Variants in PLXNB1 observed in about 807,000 individuals in gnomAD.
PLXNB1 encodes plexin B1, also known as plexin-B1.
Under a neutral mutation model 209.4 loss-of-function variants are expected in PLXNB1, and 106 were observed. The observed-to-expected ratio is 0.51, with a 90% CI of 0.43 to 0.59. PLXNB1 has a LOEUF of 0.59. PLXNB1 is among the 20% of genes least tolerant of loss of function. The pLI is 0.00. For missense variants in PLXNB1, 2,357 were observed against 2,853.2 expected, an observed-to-expected ratio of 0.83 and a Z score of 3.96; for synonymous variants, 1,167 against 1,183.2, an observed-to-expected ratio of 0.99 and a Z score of 0.28.
At chr3:48,424,728 G>C (rs1043438077) in intron 2 of PLXNB1, 111 bp from the exon 3 acceptor site, 2 of 1,169,700 alleles carry the variant, frequency 1.7e-6, no homozygotes, top group Non-Finnish European at 2.4e-6. Context: ...TCCTAACCTA[G>C]GGGGTGAGCA....
chr3:48,422,971 G>A, intron 3 of PLXNB1, 24 bp from the exon 4 acceptor site: 1 of 1,602,804 alleles, frequency 6.2e-7, no homozygotes, highest in African/African-American at 1.3e-5. Flanking sequence ...GAAGCATCAG[G>A]AAGGCCCTCC....
At position 48,404,293 on chromosome 3, in the gene PLXNB1, T is replaced by G. The variant is rs994535666; in HGVS notation, c.*193A>C. 2.1e-5 allele frequency: 12 copies of G among 578,688 alleles called. No individual in the cohort carries two copies. The highest frequency in any genetic ancestry group is 4.6e-4 in the Middle Eastern group (1 of 2,164). The allele number at this position is 578,688 out of a possible 1,614,324, so 35.8% of individuals were successfully genotyped here. Reference sequence around the variant, plus strand: ...GGGGAGCAGGCTGGGTACTACCCCATGAGCCTTGAGGCCCCGGGTCTAGGA... The same window carrying G: ...GGGGAGCAGGCTGGGTACTACCCCAGGAGCCTTGAGGCCCCGGGTCTAGGA... On this transcript the variant is annotated 3_prime_UTR_variant, in exon 38 of 38. Transcript: ENST00000296440.
At chr3:48,404,710 CG>C (rs2106696762) in intron 37 of PLXNB1, 120 bp from the exon 38 acceptor site, 2 of 639,780 alleles carry the variant, frequency 3.1e-6, no homozygotes, top group East Asian at 5.6e-5. Context: ...GAAACCCAGC[CG>C]GTCACTTCAC....
At position 48,422,447 on chromosome 3, in the gene PLXNB1, G is replaced by A. The variant is rs142527941; in HGVS notation, c.1303C>T (p.Pro435Ser). ...GAGTATGGGTGGCCATCGCTCCCTG[G>A]GCCCAAGTAGACCTGGGATCAGAGA... is the stretch of plus-strand genomic sequence containing the variant. The part of the protein sequence containing the change: ...QGQLHRVYLG[P>S]GSDGHPYSTQ... Residue 435 changes from proline to serine, a missense_variant, in exon 5 of 38, where the codon CCA becomes TCA. By Grantham distance (74) the Pro-to-Ser change is moderately conservative. This residue lies in a region of PLXNB1 where 404 missense variants were observed against 443.6 expected (regional missense o/e 0.91). Transcript: ENST00000296440. The A allele has an allele frequency of 8.8e-3, 13,937 of 1,589,544 alleles. 101 individuals are homozygous for A. Among genetic ancestry groups the A allele is most frequent in the Non-Finnish European group, 9.7e-3 (11,381 of 1,168,636 alleles).
rs896787510 is a variant in PLXNB1, at chr3:48,429,093, CAG to C, written c.-60+913_-60+914del. On this transcript the variant is annotated intron_variant, in intron 1 of 37. Coordinates refer to ENST00000296440, the MANE Select transcript of PLXNB1 (RefSeq NM_001130082.3). The surrounding 1 kb of genome is among the most constrained non-coding windows in gnomAD (Gnocchi z 6.4). Reference sequence around the variant, plus strand: ...CCAATCGCGTTCCAGGCGGAGTCGCCAGAGTTTCCCTTCGCGCGGAGAAGTGT... The same window carrying C: ...CCAATCGCGTTCCAGGCGGAGTCGCCAGTTTCCCTTCGCGCGGAGAAGTGT... Among the ~76,000 whole-genome samples the C allele has an allele frequency of 6.6e-6, 1 of 152,218 alleles. No individual in the cohort carries two copies. The highest frequency in any genetic ancestry group is 2.4e-5 in the African/African-American group (1 of 41,466).
Position 48,418,384 on chromosome 3 carries a change from CG to C in PLXNB1, c.3050-22del, listed in dbSNP as rs1445935081. 4 of 1,613,450 alleles carry C rather than the reference CG, an allele frequency of 2.5e-6. No homozygotes were observed. In the African/African-American group the frequency reaches 5.3e-5, roughly 22 times the overall value. On this transcript the variant is annotated intron_variant, in intron 14 of 37. Coordinates refer to ENST00000296440, the MANE Select transcript of PLXNB1 (RefSeq NM_001130082.3). The surrounding 1 kb of genome is among the most constrained non-coding windows in gnomAD (Gnocchi z 6.6). ...TACCACTGGGGGTGGCAGAGACACA[CG>C]TGAGAGGCAGGCCTGGGAGAGCCCT...
At position 48,407,061 on chromosome 3, in the gene PLXNB1, G is replaced by A. The variant is rs370249939; in HGVS notation, c.6118C>T (p.Arg2040Trp). The A allele has an allele frequency of 1.7e-5, 27 of 1,613,944 alleles. No individual in the cohort carries two copies. The highest frequency in any genetic ancestry group is 1.6e-4 in the Middle Eastern group (1 of 6,084). The change falls in exon 35 of 38, where the codon CGG becomes TGG. Residue 2040 changes from arginine to tryptophan, a missense_variant. By Grantham distance (101) the Arg-to-Trp change is moderately radical (BLOSUM62 -3). Around this residue, in one of 7 missense-constraint regions of PLXNB1, gnomAD observed 414 missense variants for 520.5 expected, o/e 0.80. Coordinates refer to ENST00000296440, the MANE Select transcript of PLXNB1 (RefSeq NM_001130082.3). ...ATCCGCTTGTACCGGGGAATGTCCC[G>A]TGCATACAGAAGTTTGTTGATCGGG... ...DSPINKLLYA[R>W]DIPRYKRMVE...
intron 7 of PLXNB1, 114 bp downstream of exon 7, chr3:48,421,560 C>T (rs2038520479): frequency 1.6e-6 from 2 of 1,238,720 alleles, no homozygotes; most frequent in African/African-American, 1.5e-5. Flanking sequence ...AAAGAAGTGA[C>T]TTGTGTGAGG....
Position 48,419,397 on chromosome 3 carries a change from G to T in PLXNB1, c.2710-31C>A. On this transcript the variant is annotated intron_variant, in intron 11 of 37. Coordinates refer to ENST00000296440, the MANE Select transcript of PLXNB1 (RefSeq NM_001130082.3). This position sits in a 1 kb window ranked among gnomAD's most constrained non-coding sequence, Gnocchi z 5.7. ...GGCACCAAGGGCAAGGCAGTCTATG[G>T]AGCCCACCCTGCCCAGCTCAGCCCT... The T allele has an allele frequency of 6.5e-7, 1 of 1,534,266 alleles. No homozygotes were observed. Among genetic ancestry groups the T allele is most frequent in the South Asian group, 1.3e-5 (1 of 79,294 alleles).
In PLXNB1 at chr3:48,415,619, T is replaced by C. The variant is rs1256351609; in HGVS notation, c.3758A>G (p.Asn1253Ser). Residue 1253 changes from asparagine to serine, a missense_variant, in exon 19 of 38, where the codon AAC becomes AGC. Physicochemically the swap from Asn to Ser is conservative, Grantham distance 46. Around this residue, in one of 7 missense-constraint regions of PLXNB1, gnomAD observed 743 missense variants for 896.2 expected, o/e 0.83. Transcript: ENST00000296440. This position sits in a 1 kb window ranked among gnomAD's most constrained non-coding sequence, Gnocchi z 5.0. ...RGQFKYTLDP[N>S]ITSAGPTKSF... The stretch of plus-strand genomic sequence containing the variant: ...CTTGGTGGGGCCAGCAGAGGTGATG[T>C]TGGGGTCCAAGGTATACTTGAACTG... 33 of 1,584,474 alleles carry C rather than the reference T, an allele frequency of 2.1e-5. No individual in the cohort carries two copies. Among genetic ancestry groups the C allele is most frequent in the South Asian group, 3.5e-5 (3 of 86,730 alleles).
In PLXNB1 at chr3:48,429,807, G is replaced by C. The variant is rs992654518; in HGVS notation, c.-60+201C>G. 2.6e-5 allele frequency among the ~76,000 whole-genome samples: 4 copies of C among 151,982 alleles called. No homozygotes were observed. Among genetic ancestry groups the C allele is most frequent in the African/African-American group, 9.7e-5 (4 of 41,412 alleles). ...AACTTTCCTGGTTGCCAGGAGCCGA[G>C]GCGGGGGGTCGCGCTCCGCACCCGC... On this transcript the variant is annotated intron_variant, in intron 1 of 37. Coordinates refer to ENST00000296440, the MANE Select transcript of PLXNB1 (RefSeq NM_001130082.3). The surrounding 1 kb of genome is among the most constrained non-coding windows in gnomAD (Gnocchi z 6.4).
chr3:48,422,079 G>A (rs771239536), intron 6 of PLXNB1, 26 bp downstream of exon 6: 1 of 1,585,676 alleles, frequency 6.3e-7, no homozygotes, highest in Non-Finnish European at 8.7e-7. Context: ...TTGAGGCTGG[G>A]GCTGGGATGG....
chr3:48,409,874 A>G lies in PLXNB1; in HGVS notation c.5778+31T>C. The G allele has an allele frequency of 6.3e-7, 1 of 1,575,238 alleles. No homozygotes were observed. The highest frequency in any genetic ancestry group is 8.6e-7 in the Non-Finnish European group (1 of 1,164,986). ...GAGTGGCCATGCTCCCTCTCAGCCC[A>G]GGCCCCACTACCTTGGCAGCCCCAC... On this transcript the variant is annotated intron_variant, in intron 32 of 37. Transcript: ENST00000296440. The surrounding 1 kb of genome is among the most constrained non-coding windows in gnomAD (Gnocchi z 5.8).
At chr3:48,428,885 G>T (rs990638520) in intron 1 of PLXNB1, among the ~76,000 whole-genome samples, 1 of 151,646 alleles carries the variant, frequency 6.6e-6, no homozygotes, top group Middle Eastern at 3.2e-3. Context: ...GCCAGAAAGG[G>T]CTGTTACTAC....
Position 48,406,791 on chromosome 3 carries a change from T to C in PLXNB1, c.6228+32A>G. ...AAGGACCGTTGTGGCAGGAGGCCTA[T>C]GCCCAACCCAAGAAGCAGAGGGAGG... On this transcript the variant is annotated intron_variant, in intron 36 of 37. Coordinates refer to ENST00000296440, the MANE Select transcript of PLXNB1 (RefSeq NM_001130082.3). This position sits in a 1 kb window ranked among gnomAD's most constrained non-coding sequence, Gnocchi z 4.4. The C allele has an allele frequency of 1.3e-6, 2 of 1,564,762 alleles. No individual in the cohort carries two copies. The highest frequency in any genetic ancestry group is 1.2e-5 in the South Asian group (1 of 84,374).
At chr3:48,426,686 C>T (rs1392449375) in intron 1 of PLXNB1, among the ~76,000 whole-genome samples, 2 of 152,094 alleles carry the variant, frequency 1.3e-5, no homozygotes, top group African/African-American at 4.8e-5. Flanking sequence ...GCACTGCTCC[C>T]GAAATAGCTT....
rs1022236997 is a variant in PLXNB1, at chr3:48,429,689, G to T, written c.-60+319C>A. Reference sequence around the variant, plus strand: ...CCGCGGCGGTCGCCATGGCAACGCGGGTCGCCCGGAGGGGTGAGGAGTGAA... The same window carrying T: ...CCGCGGCGGTCGCCATGGCAACGCGTGTCGCCCGGAGGGGTGAGGAGTGAA... On this transcript the variant is annotated intron_variant, in intron 1 of 37. Transcript: ENST00000296440. The surrounding 1 kb of genome is among the most constrained non-coding windows in gnomAD (Gnocchi z 6.4). Among the ~76,000 whole-genome samples the T allele has an allele frequency of 6.6e-6, 1 of 151,954 alleles. No individual in the cohort carries two copies. The highest frequency in any genetic ancestry group is 1.5e-5 in the Non-Finnish European group (1 of 67,922).
rs771240281 is a variant in PLXNB1 at position 48,420,190 on chromosome 3, T to C, written c.2096A>G (p.Lys699Arg). 20 of 1,565,856 alleles carry C rather than the reference T, an allele frequency of 1.3e-5. No homozygotes were observed. The South Asian group carries it at 2.1e-4, about 16-fold the overall frequency. The change falls in exon 11 of 38, where the codon AAA becomes AGA. Residue 699 changes from lysine (K) to arginine (R), a missense_variant. By Grantham distance (26) the Lys-to-Arg change is conservative. Coordinates refer to ENST00000296440, the MANE Select transcript of PLXNB1 (RefSeq NM_001130082.3). ...GPSPSPPTAPKALATPAPDTL... is the reference protein window; with the variant it reads ...GPSPSPPTAPRALATPAPDTL... ...GTCAGGAGCAGGGGTGGCCAGGGCT[T>C]TGGGGGCTGTGGGTGGGGAGGGGCT...
Position 48,418,125 on chromosome 3 carries a change from T to C in PLXNB1, c.3223-63A>G. 3.7e-6 allele frequency: 6 copies of C among 1,607,488 alleles called. No homozygotes were observed. Among genetic ancestry groups the C allele is most frequent in the Admixed American group, 1.7e-5 (1 of 59,848 alleles). Reference sequence around the variant, plus strand: ...GGAAAGGCAGCCCCAACCTCCCACCTTTGGGCCCCCACACCCTCCCTCTAA... The same window carrying C: ...GGAAAGGCAGCCCCAACCTCCCACCCTTGGGCCCCCACACCCTCCCTCTAA... On this transcript the variant is annotated intron_variant, in intron 15 of 37. Transcript: ENST00000296440. This position sits in a 1 kb window ranked among gnomAD's most constrained non-coding sequence, Gnocchi z 6.6.
Sources: gnomAD v4.1 joint callset for allele counts (sites outside exome capture counted in the v4.1 genomes callset) on GRCh38, gnomAD v4.1.1 for gene constraint, gnomAD v4.1.1 regional missense constraint, Gnocchi (gnomAD v3.1) non-coding constraint, MANE v1.5 for transcripts, NCBI Gene and HGNC (gene_info 2026-07-23, HGNC 2026-07-21) for gene names.